NYAP2: variants seen among roughly 807,000 people sequenced by gnomAD.
NYAP2 encodes the protein neuronal tyrosine-phosphorylated phosphoinositide-3-kinase adaptor 2, also known as neuronal tyrosine-phosphorylated phosphoinositide-3-kinase adapter 2.
Under a neutral mutation model 50.4 loss-of-function variants are expected in NYAP2, and 23 were observed. That is an observed-to-expected ratio of 0.46 (90% CI 0.33 to 0.65). The LOEUF is 0.65. Among genes scored for constraint, NYAP2 ranks in the 30% least tolerant of loss-of-function variants. The probability of loss-of-function intolerance (pLI) is 0.02; values close to 1 mark genes in which losing one functional copy is unlikely to be tolerated. For missense variants in NYAP2, 885 were observed against 861.0 expected (o/e 1.03, Z -0.35); for synonymous variants, 394 against 365.2 (o/e 1.08, Z -0.90).
chr2:225,576,357 A>C (rs6708235), intron 4 of NYAP2, among the ~76,000 whole-genome samples: 4 of 152,314 alleles, frequency 2.6e-5, no homozygotes, highest in Middle Eastern at 6.8e-3. Flanking sequence ...ACACTTTCTT[A>C]TTCCTACTAT....
chr2:225,594,757 T>G (rs1467072828), intron 5 of NYAP2, among the ~76,000 whole-genome samples: 1 of 152,208 alleles, frequency 6.6e-6, no homozygotes, highest in Non-Finnish European at 1.5e-5. Flanking sequence ...CAAATTTAAT[T>G]AAATGTCTGT....
At chr2:225,440,753 G>A (rs1361700924) in intron 3 of NYAP2, among the ~76,000 whole-genome samples, 1 of 152,214 alleles carries the variant, frequency 6.6e-6, no homozygotes. Flanking sequence ...TGTGAAGCAT[G>A]CTGGATTGAA....
At position 225,461,408 on chromosome 2, in the gene NYAP2, C is replaced by T. The variant is rs1018236317; in HGVS notation, c.222-51963C>T. Among the ~76,000 whole-genome samples the T allele has an allele frequency of 3.9e-5, 6 of 152,166 alleles. No homozygotes were observed. In the East Asian group the frequency reaches 5.8e-4, roughly 15 times the overall value. ...TGGCAGTTGAACACTGTACAGAAAA[C>T]GAGAAACTGCCTAATATTGCCAAAT... On this transcript the variant is annotated intron_variant, in intron 3 of 6. Coordinates refer to ENST00000636099, the Ensembl canonical transcript of NYAP2.
At chr2:225,521,199 T>A (rs1189905251) in intron 4 of NYAP2, among the ~76,000 whole-genome samples, 1 of 151,802 alleles carries the variant, frequency 6.6e-6, no homozygotes, top group Non-Finnish European at 1.5e-5. Flanking sequence ...TTTCTAGATA[T>A]ACAATCATGT....
In NYAP2 at chr2:225,628,170, C is replaced by G. The variant is rs1693242997; in HGVS notation, c.1828+1044C>G. Among the ~76,000 whole-genome samples the G allele has an allele frequency of 3.3e-5, 5 of 152,136 alleles. No individual in the cohort carries two copies. In the South Asian group the frequency reaches 1.0e-3, roughly 32 times the overall value. ...GAGCCATAGCACATATGTGGATAAC[C>G]AACTCTAAAGCATGAGTTAAAATTT... On this transcript the variant is annotated intron_variant, in intron 6 of 6. Transcript: ENST00000636099.
intron 4 of NYAP2, among the ~76,000 whole-genome samples, chr2:225,568,249 G>A (rs895373234): frequency 1.3e-5 from 2 of 152,050 alleles, no homozygotes; most frequent in African/African-American, 4.8e-5. Context: ...AAAGTATAAG[G>A]GAACTGAAAG....
chr2:225,695,267 G>C, the NYAP2 span, among the ~76,000 whole-genome samples: 6 of 151,648 alleles, frequency 4.0e-5, no homozygotes, highest in Non-Finnish European at 4.4e-5. Flanking sequence ...TTTTTCAGTT[G>C]CACATACCAA....
chr2:225,582,795 G>A lies in NYAP2; in HGVS notation c.1378G>A (p.Val460Met), dbSNP rs1169359972. 1 of 1,613,788 alleles carries A rather than the reference G, an allele frequency of 6.2e-7. No individual in the cohort carries two copies. The highest frequency in any genetic ancestry group is 1.3e-5 in the African/African-American group (1 of 74,912). ...CAAAAGGCCTCCCCCTTACGACGCT[G>A]TGCATTCGGGCAGCCTCTCAAGGAG... The change falls in exon 5 of 7, where the codon GTG (valine) becomes ATG (methionine). Residue 460 changes from valine to methionine, a missense_variant. Physicochemically the swap from Val to Met is conservative, Grantham distance 21 (BLOSUM62 1). Transcript: ENST00000636099. This position sits in a 1 kb window ranked among gnomAD's most constrained non-coding sequence, Gnocchi z 7.0.
At chr2:225,473,861 G>A (rs1159907337) in intron 3 of NYAP2, among the ~76,000 whole-genome samples, 1 of 152,068 alleles carries the variant, frequency 6.6e-6, no homozygotes, top group Non-Finnish European at 1.5e-5. Flanking sequence ...TGCTTTTGGT[G>A]CTTTAGACAT....
intron 3 of NYAP2, among the ~76,000 whole-genome samples, chr2:225,420,816 C>A (rs1262915462): frequency 1.3e-5 from 2 of 151,960 alleles, no homozygotes; most frequent in African/African-American, 4.8e-5. Flanking sequence ...TTGATACAGT[C>A]ATCGTAACTC....
chr2:225,461,676 A>G (rs1238468700), intron 3 of NYAP2, among the ~76,000 whole-genome samples: 2 of 152,204 alleles, frequency 1.3e-5, no homozygotes, highest in African/African-American at 4.8e-5. Context: ...TCTTTTATCT[A>G]CAAAGTATAT....
chr2:225,476,412 CAAA>C (rs61496030), intron 3 of NYAP2, among the ~76,000 whole-genome samples: 1 of 97,366 alleles, frequency 1.0e-5, no homozygotes, highest in Admixed American at 1.2e-4. Context: ...GACTCTGTCT[CAAA>C]AAAAAAAAAA....
At chr2:225,676,171 A>G in the NYAP2 span, among the ~76,000 whole-genome samples, 1 of 151,962 alleles carries the variant, frequency 6.6e-6, no homozygotes, top group African/African-American at 2.4e-5. Context: ...GCCCCACATC[A>G]ATTTTTGATT....
chr2:225,461,717 G>C (rs1253562991), intron 3 of NYAP2, among the ~76,000 whole-genome samples: 2 of 152,104 alleles, frequency 1.3e-5, no homozygotes, highest in Non-Finnish European at 2.9e-5. Flanking sequence ...CCATGGATTG[G>C]AGATAAGATA....
chr2:225,631,270 C>G (rs1380116709), intron 6 of NYAP2, among the ~76,000 whole-genome samples: 2 of 152,182 alleles, frequency 1.3e-5, no homozygotes, highest in South Asian at 2.1e-4. Flanking sequence ...TTATACCATA[C>G]TTTCACTTTC....
chr2:225,695,965 T>G, the NYAP2 span, among the ~76,000 whole-genome samples: 1 of 151,962 alleles, frequency 6.6e-6, no homozygotes, highest in Non-Finnish European at 1.5e-5. Context: ...GAGTATCATC[T>G]TCTGGGCTCC....
chr2:225,571,351 T>A (rs1692069621), intron 4 of NYAP2, among the ~76,000 whole-genome samples: 1 of 152,222 alleles, frequency 6.6e-6, no homozygotes. Flanking sequence ...ACATTTCCCT[T>A]CCACACTGCC....
At chr2:225,541,110 GATA>G (rs1456086942) in intron 4 of NYAP2, among the ~76,000 whole-genome samples, 1 of 152,100 alleles carries the variant, frequency 6.6e-6, no homozygotes, top group Non-Finnish European at 1.5e-5. Context: ...TATCTGTTCA[GATA>G]GTTGCCCATT....
intron 3 of NYAP2, among the ~76,000 whole-genome samples, chr2:225,475,412 T>A (rs948172295): frequency 6.6e-6 from 1 of 152,216 alleles, no homozygotes; most frequent in Non-Finnish European, 1.5e-5. Context: ...TAGTTAATGA[T>A]AATGCTGTTA....
Sources: gnomAD v4.1 joint callset for allele counts (sites outside exome capture counted in the v4.1 genomes callset) on GRCh38, gnomAD v4.1.1 for gene constraint, Gnocchi (gnomAD v3.1) non-coding constraint, MANE v1.5 for transcripts, NCBI Gene and HGNC (gene_info 2026-07-23, HGNC 2026-07-21) for gene names.